SLC35F3: variants seen among roughly 807,000 people sequenced by gnomAD.
The protein encoded by SLC35F3 is solute carrier family 35 member F3, also known as putative thiamine transporter SLC35F3.
SLC35F3 carries 25 observed loss-of-function variants against 49.9 expected under a neutral mutation model. The ratio of observed to expected loss-of-function variants is 0.50; its 90% CI spans 0.37 to 0.70. The LOEUF is 0.70. SLC35F3 is among the 30% of genes least tolerant of loss of function. The probability of loss-of-function intolerance (pLI) is 0.00; values close to 1 mark genes in which losing one functional copy is unlikely to be tolerated. For synonymous variants in SLC35F3, 275 were observed against 265.4 expected (o/e 1.04, Z -0.35); for missense variants, 525 against 639.8 (o/e 0.82, Z 1.94).
intron 2 of SLC35F3, among the ~76,000 whole-genome samples, chr1:234,177,136 T>C (rs576444452): frequency 6.6e-6 from 1 of 152,270 alleles, no homozygotes; most frequent in East Asian, 1.9e-4. Context: ...TGAGATCTGA[T>C]GGTTTTAAAA....
rs869146212 is a variant in SLC35F3 at position 234,146,481 on chromosome 1, C to CTTTTTTTTTTT, written c.284-84922_284-84912dup. On this transcript the variant is annotated intron_variant, in intron 2 of 7. Transcript: ENST00000366618. ...AATAAAAGTTACCAAGATATTTGCTCTTTTTTTTTTTTTTTTTTTTTTTTC... is the reference window on the plus strand; with the variant it reads ...AATAAAAGTTACCAAGATATTTGCTCTTTTTTTTTTTTTTTTTTTTTTTTTTTTTTTTTTTC... Among the ~76,000 whole-genome samples, 21 of 74,040 alleles carry CTTTTTTTTTTT rather than the reference C, an allele frequency of 2.8e-4. 5 individuals carry two copies. Among genetic ancestry groups the CTTTTTTTTTTT allele is most frequent in the East Asian group, 1.2e-3 (1 of 850 alleles). The allele number at this position is 74,040 out of a possible 152,430, so 48.6% of individuals were successfully genotyped here. A position where few individuals can be genotyped will look rare whatever the true frequency, so the allele number is the denominator to read the frequency against.
intron 2 of SLC35F3, among the ~76,000 whole-genome samples, chr1:234,229,360 CTTTGT>C (rs1361716091): frequency 6.6e-6 from 1 of 152,050 alleles, no homozygotes; most frequent in African/African-American, 2.4e-5. Context: ...GTTCATATTC[CTTTGT>C]TTTGAGGATC....
At chr1:234,163,144 C>T (rs1289625061) in intron 2 of SLC35F3, among the ~76,000 whole-genome samples, 1 of 152,242 alleles carries the variant, frequency 6.6e-6, no homozygotes, top group African/African-American at 2.4e-5. Flanking sequence ...AGAAGGACTA[C>T]CCCATTTCTA....
intron 2 of SLC35F3, among the ~76,000 whole-genome samples, chr1:234,097,639 C>A (rs1665144638): frequency 6.6e-6 from 1 of 152,028 alleles, no homozygotes; most frequent in African/African-American, 2.4e-5. Context: ...AGTCATGGAA[C>A]CTGAGCTAAG....
chr1:234,276,413 G>C (rs779805153), intron 3 of SLC35F3, among the ~76,000 whole-genome samples: 1 of 152,210 alleles, frequency 6.6e-6, no homozygotes. Context: ...TCGTGTAGCA[G>C]AGGCAGTGCT....
At chr1:234,005,741 A>G (rs558894612) in intron 2 of SLC35F3, among the ~76,000 whole-genome samples, 52 of 152,336 alleles carry the variant, frequency 3.4e-4, no homozygotes, top group African/African-American at 1.3e-3. Context: ...TGAGAGTTAC[A>G]GGAACGGCTC....
intron 2 of SLC35F3, among the ~76,000 whole-genome samples, chr1:234,224,726 G>A (rs992847326): frequency 5.9e-5 from 9 of 152,150 alleles, no homozygotes; most frequent in Non-Finnish European, 8.8e-5. Context: ...TGCCTTAGCC[G>A]CTCACTGATT....
At chr1:234,034,063 T>A (rs931270308) in intron 2 of SLC35F3, among the ~76,000 whole-genome samples, 24 of 152,250 alleles carry the variant, frequency 1.6e-4, no homozygotes, top group Admixed American at 1.2e-3. Flanking sequence ...CTTGTGGACA[T>A]CTTTCACCGC....
At chr1:234,293,671 C>T (rs924105268) in intron 3 of SLC35F3, among the ~76,000 whole-genome samples, 5 of 152,112 alleles carry the variant, frequency 3.3e-5, no homozygotes, top group Non-Finnish European at 4.4e-5. Context: ...GACAGACATA[C>T]CCAAACAGCA....
chr1:234,292,711 A>AGAGTTGCCCTT (rs770489867), intron 3 of SLC35F3, among the ~76,000 whole-genome samples: 44 of 152,326 alleles, frequency 2.9e-4, no homozygotes, highest in Non-Finnish European at 4.9e-4. Flanking sequence ...GCTGCTGTTT[A>AGAGTTGCCCTT]GAGTTGCCCT....
chr1:234,267,763 T>C (rs1385082523), intron 3 of SLC35F3, among the ~76,000 whole-genome samples: 1 of 137,076 alleles, frequency 7.3e-6, no homozygotes, highest in East Asian at 2.2e-4. Context: ...GGCAGAGGGT[T>C]TCCTCACTTC....
chr1:234,175,609 G>T (rs2102921017), intron 2 of SLC35F3, among the ~76,000 whole-genome samples: 1 of 146,948 alleles, frequency 6.8e-6, no homozygotes, highest in East Asian at 2.0e-4. Context: ...GTTACAGTGA[G>T]CTGTGATTGC....
intron 2 of SLC35F3, among the ~76,000 whole-genome samples, chr1:234,108,664 TA>T (rs201320799): frequency 0.2 from 22,693 of 111,330 alleles, 3,156 homozygotes; most frequent in Non-Finnish European, 0.28. Context: ...TATTTATATA[TA>T]TAAAAGATAT....
chr1:234,026,607 G>C (rs1202981098), intron 2 of SLC35F3, among the ~76,000 whole-genome samples: 1 of 152,142 alleles, frequency 6.6e-6, no homozygotes, highest in African/African-American at 2.4e-5. Context: ...TGTTAGCCAG[G>C]TGTGGTGGCT....
At position 234,231,559 on chromosome 1, in the gene SLC35F3, G is replaced by A; in HGVS notation, c.426G>A (p.Val142=). The change falls in exon 3 of 8, where the codon GTG becomes GTA. Residue 142 remains valine (V), a synonymous_variant. Transcript: ENST00000366618. The surrounding 1 kb of genome is among the most constrained non-coding windows in gnomAD (Gnocchi z 5.4). ...LKKIFWGVAV[V]LCVCSSWAGS... is the part of the protein sequence containing the mutation. ...AGATCTTCTGGGGCGTGGCGGTCGT[G>A]CTGTGCGTGTGCTCCTCGTGGGCGG... is the stretch of plus-strand genomic sequence containing the variant. 6.2e-7 allele frequency: 1 copy of A among 1,614,154 alleles called. No individual in the cohort carries two copies. Among genetic ancestry groups the A allele is most frequent in the Non-Finnish European group, 8.5e-7 (1 of 1,180,008 alleles).
At position 234,027,954 on chromosome 1, in the gene SLC35F3, G is replaced by A. The variant is rs898673134; in HGVS notation, c.283+122196G>A. On this transcript the variant is annotated intron_variant, in intron 2 of 7. Transcript: ENST00000366618. The surrounding 1 kb of genome is among the most constrained non-coding windows in gnomAD (Gnocchi z 4.1). Reference sequence around the variant, plus strand: ...TTGATCAAAGGGGAAATTCAGGAGGGGAATCGATCGCACAGGAGTAAAGTA... The same window carrying A: ...TTGATCAAAGGGGAAATTCAGGAGGAGAATCGATCGCACAGGAGTAAAGTA... 3.3e-5 allele frequency among the ~76,000 whole-genome samples: 5 copies of A among 152,076 alleles called. 1 individual carries two copies. The highest frequency in any genetic ancestry group is 6.6e-5 in the Admixed American group (1 of 15,258).
intron 3 of SLC35F3, among the ~76,000 whole-genome samples, chr1:234,282,119 A>G (rs1000331516): frequency 1.3e-5 from 2 of 152,236 alleles, no homozygotes; most frequent in African/African-American, 2.4e-5. Context: ...CCAGATGCAC[A>G]CAGTGCCTGT....
intron 2 of SLC35F3, among the ~76,000 whole-genome samples, chr1:234,144,124 G>A (rs778152238): frequency 6.6e-6 from 1 of 152,182 alleles, no homozygotes; most frequent in Admixed American, 6.5e-5. Context: ...ATGGCACCAC[G>A]CAGTGTGAAG....
At chr1:234,244,528 C>T (rs1667601360) in intron 3 of SLC35F3, among the ~76,000 whole-genome samples, 1 of 152,140 alleles carries the variant, frequency 6.6e-6, no homozygotes, top group Non-Finnish European at 1.5e-5. Context: ...GAAGCTGTTC[C>T]TCTATCATCC....
Sources: gnomAD v4.1 joint callset for allele counts (sites outside exome capture counted in the v4.1 genomes callset) on GRCh38, gnomAD v4.1.1 for gene constraint, Gnocchi (gnomAD v3.1) non-coding constraint, MANE v1.5 for transcripts, NCBI Gene and HGNC (gene_info 2026-07-23, HGNC 2026-07-21) for gene names.